The following GPC5 variants were observed in gnomAD, a reference collection of about 807,000 sequenced individuals.
GPC5 encodes the protein glypican 5.
GPC5 carries 47 observed loss-of-function variants against 53.9 expected under a neutral mutation model. That is an observed-to-expected ratio of 0.87 (90% CI 0.69 to 1.11). The LOEUF (loss-of-function observed/expected upper bound fraction) is 1.11, where lower values mean the gene tolerates loss of function less well. GPC5 is among the 50% of genes most tolerant of loss of function. GPC5 has a pLI of 0.00. For missense variants in GPC5, 748 were observed against 713.1 expected (o/e 1.05, Z -0.56); for synonymous variants, 286 against 263.3 (o/e 1.09, Z -0.84).
chr13:91,535,727 T>C (rs781427531), intron 2 of GPC5, among the ~76,000 whole-genome samples: 1 of 151,978 alleles, frequency 6.6e-6, no homozygotes, highest in Admixed American at 6.6e-5. Flanking sequence ...GCAGGGAGGC[T>C]TTGGGTCTTT....
At chr13:91,837,965 T>C (rs1328698215) in intron 5 of GPC5, among the ~76,000 whole-genome samples, 2 of 152,114 alleles carry the variant, frequency 1.3e-5, no homozygotes, top group Non-Finnish European at 2.9e-5. Context: ...TTTGAATCAC[T>C]GAAGCAGAGC....
chr13:92,845,491 C>G (rs1296464334), intron 7 of GPC5, among the ~76,000 whole-genome samples: 1 of 152,168 alleles, frequency 6.6e-6, no homozygotes, highest in Non-Finnish European at 1.5e-5. Flanking sequence ...AGGTTTCTCT[C>G]TTGCTCAAGA....
chr13:92,004,851 A>G (rs1326485339), intron 6 of GPC5, among the ~76,000 whole-genome samples: 1 of 152,150 alleles, frequency 6.6e-6, no homozygotes, highest in Non-Finnish European at 1.5e-5. Context: ...AGAACATTGT[A>G]GGGGAAACTG....
At chr13:92,564,885 G>C (rs1169440420) in intron 7 of GPC5, among the ~76,000 whole-genome samples, 1 of 151,980 alleles carries the variant, frequency 6.6e-6, no homozygotes, top group Non-Finnish European at 1.5e-5. Flanking sequence ...CCAAATAAAA[G>C]ATGTTATTCT....
intron 7 of GPC5, among the ~76,000 whole-genome samples, chr13:92,739,648 A>G (rs1013301070): frequency 7.9e-5 from 12 of 151,886 alleles, no homozygotes; most frequent in African/African-American, 2.9e-4. Flanking sequence ...CTCTTCAGCA[A>G]CATCAATTTT....
intron 7 of GPC5, among the ~76,000 whole-genome samples, chr13:92,754,184 T>C (rs536769429): frequency 7.9e-5 from 12 of 152,234 alleles, no homozygotes; most frequent in African/African-American, 2.4e-4. Flanking sequence ...TCAACATTCT[T>C]AAAGACAAGA....
chr13:92,058,053 C>A (rs1030139652), intron 6 of GPC5, among the ~76,000 whole-genome samples: 1 of 152,186 alleles, frequency 6.6e-6, no homozygotes, highest in Non-Finnish European at 1.5e-5. Context: ...CCATCCCAGT[C>A]TTCTGACTAT....
chr13:91,674,475 A>G (rs1004404165), intron 2 of GPC5, among the ~76,000 whole-genome samples: 3 of 150,444 alleles, frequency 2.0e-5, no homozygotes, highest in African/African-American at 4.9e-5. Context: ...ACATATACAC[A>G]CACACGCGCA....
intron 5 of GPC5, among the ~76,000 whole-genome samples, chr13:91,907,390 A>G (rs1352592319): frequency 6.9e-6 from 1 of 144,804 alleles, no homozygotes; most frequent in Admixed American, 7.2e-5. Flanking sequence ...TATATATAAT[A>G]TATATTAGGC....
At chr13:92,515,542 G>A (rs1427203388) in intron 7 of GPC5, among the ~76,000 whole-genome samples, 1 of 152,142 alleles carries the variant, frequency 6.6e-6, no homozygotes, top group African/African-American at 2.4e-5. Context: ...AGAATACACT[G>A]TAGAATTTTA....
chr13:91,523,032 G>A (rs1402441190), intron 2 of GPC5, among the ~76,000 whole-genome samples: 1 of 152,110 alleles, frequency 6.6e-6, no homozygotes, highest in African/African-American at 2.4e-5. Flanking sequence ...TACAATAAAA[G>A]AAATGTAAAA....
intron 2 of GPC5, among the ~76,000 whole-genome samples, chr13:91,690,332 T>A (rs189197901): frequency 2.0e-5 from 3 of 152,290 alleles, no homozygotes; most frequent in Admixed American, 2.0e-4. Context: ...TTGGTTGTTT[T>A]GTTTTAAAGA....
intron 6 of GPC5, among the ~76,000 whole-genome samples, chr13:91,960,393 A>G (rs892733232): frequency 2.0e-5 from 3 of 152,050 alleles, no homozygotes; most frequent in African/African-American, 7.2e-5. Context: ...CTTAACAGAT[A>G]AAACCACAAA....
intron 1 of GPC5, among the ~76,000 whole-genome samples, chr13:91,426,398 T>C (rs1879051466): frequency 6.6e-6 from 1 of 152,014 alleles, no homozygotes; most frequent in Non-Finnish European, 1.5e-5. Context: ...TAGAGGGAAA[T>C]AATAGGAGAG....
At chr13:91,737,474 A>G (rs1349700725) in intron 4 of GPC5, among the ~76,000 whole-genome samples, 1 of 97,150 alleles carries the variant, frequency 1.0e-5, no homozygotes, top group African/African-American at 4.2e-5. Context: ...AAAATAATTT[A>G]GCAGTTTCCA....
chr13:91,986,441 T>C (rs2138726155), intron 6 of GPC5, among the ~76,000 whole-genome samples: 1 of 152,342 alleles, frequency 6.6e-6, no homozygotes, highest in East Asian at 1.9e-4. Context: ...AGATGAATCT[T>C]TCAGATGAAA....
At chr13:92,079,769 G>A (rs1295124979) in intron 6 of GPC5, among the ~76,000 whole-genome samples, 2 of 152,146 alleles carry the variant, frequency 1.3e-5, no homozygotes, top group Non-Finnish European at 2.9e-5. Flanking sequence ...CTTTGCAGTA[G>A]CAATTGAGCT....
chr13:92,474,204 G>A (rs770848881), intron 7 of GPC5, among the ~76,000 whole-genome samples: 27 of 150,372 alleles, frequency 1.8e-4, no homozygotes, highest in Non-Finnish European at 3.0e-4. Context: ...TCTAGACATC[G>A]GTCCTTGGGA....
chr13:91,992,258 C>T (rs2040463759), intron 6 of GPC5, among the ~76,000 whole-genome samples: 1 of 152,062 alleles, frequency 6.6e-6, no homozygotes, highest in African/African-American at 2.4e-5. Context: ...GTCTCCATCT[C>T]ATGGCCTCAA....
Sources: gnomAD v4.1 joint callset for allele counts (sites outside exome capture counted in the v4.1 genomes callset) on GRCh38, gnomAD v4.1.1 for gene constraint, MANE v1.5 for transcripts, NCBI Gene and HGNC (gene_info 2026-07-23, HGNC 2026-07-21) for gene names.